The following PTPRC variants were observed in gnomAD, a reference collection of about 807,000 sequenced individuals.
The protein encoded by PTPRC is receptor-type tyrosine-protein phosphatase C.
Under a neutral mutation model 155.9 loss-of-function variants are expected in PTPRC, and 44 were observed. The ratio of observed to expected loss-of-function variants is 0.28; its 90% CI spans 0.22 to 0.36. The LOEUF is 0.36. PTPRC is among the 10% of genes least tolerant of loss of function. The probability of loss-of-function intolerance (pLI) is 1.00; values close to 1 mark genes in which losing one functional copy is unlikely to be tolerated. For synonymous variants in PTPRC, 525 were observed against 533.1 expected (o/e 0.98, Z 0.21); for missense variants, 1,401 against 1,564.6 (o/e 0.90, Z 1.76).
At position 198,755,892 on chromosome 1, in the gene PTPRC, A is replaced by T; in HGVS notation, c.3646-14A>T. On this transcript the variant is annotated splice_polypyrimidine_tract_variant and intron_variant, in intron 32 of 32. Coordinates refer to ENST00000442510, the MANE Select transcript of PTPRC (RefSeq NM_002838.5). The stretch of plus-strand genomic sequence containing the variant: ...ACTTTCTTCATGTAATTTCCCACTT[A>T]ATTCCTTTACTAGGAGCAATATCAA... 2 of 1,601,468 alleles carry T rather than the reference A, an allele frequency of 1.2e-6. No homozygotes were observed. The highest frequency in any genetic ancestry group is 1.7e-6 in the Non-Finnish European group (2 of 1,169,186).
At chr1:198,755,847 G>T (rs1260982671) in intron 32 of PTPRC, 59 bp from the exon 33 acceptor site, 20 of 1,497,812 alleles carry the variant, frequency 1.3e-5, no homozygotes, top group Non-Finnish European at 1.9e-5. Flanking sequence ...TCTTCATCTG[G>T]CATAAAAATA....
intron 2 of PTPRC, among the ~76,000 whole-genome samples, chr1:198,667,590 G>A (rs1456267635): frequency 6.6e-6 from 1 of 152,204 alleles, no homozygotes; most frequent in Non-Finnish European, 1.5e-5. Flanking sequence ...CATTCATTCA[G>A]TTATTCTAGC....
At chr1:198,703,495 C>T in intron 7 of PTPRC, 123 bp downstream of exon 7, 1 of 1,482,562 alleles carries the variant, frequency 6.7e-7, no homozygotes, top group Non-Finnish European at 9.3e-7. Context: ...GTGTTTGAAT[C>T]CTGAGGGTGA....
chr1:198,755,220 T>TAAG (rs1301421042), intron 32 of PTPRC, among the ~76,000 whole-genome samples: 1 of 152,078 alleles, frequency 6.6e-6, no homozygotes, highest in African/African-American at 2.4e-5. Context: ...GGAAGGAAAA[T>TAAG]AAGTTTTATA....
chr1:198,667,332 G>A (rs893268392), intron 2 of PTPRC, among the ~76,000 whole-genome samples: 43 of 152,298 alleles, frequency 2.8e-4, no homozygotes, highest in African/African-American at 1.0e-3. Flanking sequence ...GGAAGAATGG[G>A]ATTATGAATA....
At chr1:198,678,467 T>G (rs1238677043) in intron 2 of PTPRC, among the ~76,000 whole-genome samples, 2 of 152,190 alleles carry the variant, frequency 1.3e-5, no homozygotes, top group Non-Finnish European at 2.9e-5. Context: ...GTTGTAAGGA[T>G]TCTTAATAAG....
At chr1:198,683,273 C>T (rs1478993611) in intron 2 of PTPRC, among the ~76,000 whole-genome samples, 1 of 152,074 alleles carries the variant, frequency 6.6e-6, no homozygotes, top group Non-Finnish European at 1.5e-5. Context: ...TTGATAGCAC[C>T]AAATACACTA....
intron 8 of PTPRC, among the ~76,000 whole-genome samples, chr1:198,706,440 T>G (rs528863737): frequency 6.6e-6 from 1 of 152,348 alleles, no homozygotes; most frequent in East Asian, 1.9e-4. Flanking sequence ...CTCCTGAATT[T>G]ACAGTGATAA....
intron 2 of PTPRC, among the ~76,000 whole-genome samples, chr1:198,686,960 C>T (rs1248242676): frequency 6.6e-6 from 1 of 151,900 alleles, no homozygotes; most frequent in Non-Finnish European, 1.5e-5. Context: ...ATGGATAGGT[C>T]ATGAAGTAGT....
chr1:198,710,929 A>G (rs1653266786), intron 11 of PTPRC, among the ~76,000 whole-genome samples: 2 of 152,330 alleles, frequency 1.3e-5, no homozygotes, highest in South Asian at 4.1e-4. Flanking sequence ...ATCTCGGCTC[A>G]CTGCAACCTC....
At chr1:198,684,244 G>C (rs1665496844) in intron 2 of PTPRC, among the ~76,000 whole-genome samples, 1 of 151,034 alleles carries the variant, frequency 6.6e-6, no homozygotes, top group Non-Finnish European at 1.5e-5. Context: ...CAACATGCCT[G>C]AAATATATAA....
At position 198,679,728 on chromosome 1, in the gene PTPRC, C is replaced by T. The variant is rs534067828; in HGVS notation, c.74-12619C>T. 1.1e-4 allele frequency: 45 copies of T among 398,212 alleles called. No individual in the cohort carries two copies. In the South Asian group the frequency reaches 3.3e-3, roughly 29 times the overall value. 24.7% of individuals were successfully genotyped at this position (398,212 alleles called of 1,614,324 possible). A position where few individuals can be genotyped will look rare whatever the true frequency, so the allele number is the denominator to read the frequency against. On this transcript the variant is annotated intron_variant, in intron 2 of 32. Coordinates refer to ENST00000442510, the MANE Select transcript of PTPRC (RefSeq NM_002838.5). ...TGTGCCCTCCGGAGGCCCGAGCCCA[C>T]GTAATGGAGATGACTGGGCCACTGC...
intron 26 of PTPRC, among the ~76,000 whole-genome samples, chr1:198,747,580 A>G (rs988577295): frequency 6.6e-6 from 1 of 151,988 alleles, no homozygotes; most frequent in Non-Finnish European, 1.5e-5. Flanking sequence ...AGACTGGATT[A>G]AGTAGGAAGA....
intron 25 of PTPRC, among the ~76,000 whole-genome samples, chr1:198,743,498 T>C (rs1482806014): frequency 6.6e-6 from 1 of 151,870 alleles, no homozygotes; most frequent in Admixed American, 6.6e-5. Flanking sequence ...ATCAGAAGTA[T>C]ACCATTTCCT....
At chr1:198,656,450 A>G (rs551138036) in intron 2 of PTPRC, among the ~76,000 whole-genome samples, 1 of 152,108 alleles carries the variant, frequency 6.6e-6, no homozygotes, top group East Asian at 1.9e-4. Flanking sequence ...CTTAAAAGGT[A>G]TTGTTGCTTC....
At position 198,639,108 on chromosome 1, in the gene PTPRC, G is replaced by T; in HGVS notation, c.-73G>T. The T allele has an allele frequency of 3.0e-6, 2 of 659,396 alleles. No homozygotes were observed. Among genetic ancestry groups the T allele is most frequent in the Admixed American group, 2.3e-5 (1 of 43,090 alleles). The allele number at this position is 659,396 out of a possible 1,614,324, so 40.8% of individuals were successfully genotyped here. A position where few individuals can be genotyped will look rare whatever the true frequency, so the allele number is the denominator to read the frequency against. On this transcript the variant is annotated 5_prime_UTR_variant, in exon 1 of 33. Transcript: ENST00000442510. ...TCTTAGGGTAACAGAGGAGGAAATT[G>T]TTCCTCGTCTGATAAGACAACAGTG...
chr1:198,686,994 TTTGTTGTTG>T (rs71800427), intron 2 of PTPRC, among the ~76,000 whole-genome samples: 1 of 149,826 alleles, frequency 6.7e-6, no homozygotes, highest in Non-Finnish European at 1.5e-5. Context: ...CAACCAATCT[TTTGTTGTTG>T]TTGTTGTTGT....
intron 32 of PTPRC, 112 bp downstream of exon 32, chr1:198,754,516 T>A: frequency 7.9e-7 from 1 of 1,267,140 alleles, no homozygotes; most frequent in Non-Finnish European, 1.1e-6. Flanking sequence ...TTTTTTCCCC[T>A]TTCCTTTTCT....
intron 9 of PTPRC, among the ~76,000 whole-genome samples, chr1:198,707,223 G>C (rs780998844): frequency 5.9e-5 from 9 of 152,186 alleles, no homozygotes; most frequent in Non-Finnish European, 1.0e-4. Flanking sequence ...ATCCTGCTAA[G>C]TGATTGTCTG....
Sources: gnomAD v4.1 joint callset for allele counts (sites outside exome capture counted in the v4.1 genomes callset) on GRCh38, gnomAD v4.1.1 for gene constraint, MANE v1.5 for transcripts, NCBI Gene and HGNC (gene_info 2026-07-23, HGNC 2026-07-21) for gene names.